Variants in SLC34A2 observed in about 807,000 individuals in gnomAD.
SLC34A2 encodes solute carrier family 34 member 2, also known as sodium-dependent phosphate transport protein 2B.
Under a neutral mutation model 50.8 loss-of-function variants are expected in SLC34A2, and 41 were observed. That is an observed-to-expected ratio of 0.81 (90% CI 0.63 to 1.05). The LOEUF is 1.05. SLC34A2 is among the 50% of genes least tolerant of loss of function. The pLI is 0.00. For synonymous variants in SLC34A2, 401 were observed against 364.2 expected (o/e 1.10, Z -1.15); for missense variants, 879 against 876.7 (o/e 1.00, Z -0.03).
chr4:25,670,446 A>T (rs1714753656), intron 7 of SLC34A2, among the ~76,000 whole-genome samples: 1 of 152,074 alleles, frequency 6.6e-6, no homozygotes, highest in Non-Finnish European at 1.5e-5. Flanking sequence ...ATAAAGTATG[A>T]TCTACCCTTT....
intron 9 of SLC34A2, among the ~76,000 whole-genome samples, 179 bp from the exon 10 acceptor site, chr4:25,672,907 TC>T (rs1462536377): frequency 6.6e-6 from 1 of 152,198 alleles, no homozygotes; most frequent in African/African-American, 2.4e-5. Flanking sequence ...TGACATAGTT[TC>T]AGTGGTGCCC....
At chr4:25,670,861 G>T in intron 8 of SLC34A2, 28 bp downstream of exon 8, 1 of 1,555,742 alleles carries the variant, frequency 6.4e-7, no homozygotes, top group South Asian at 1.1e-5. Flanking sequence ...TTCCCGGGGC[G>T]GGGAGTGAAC....
At chr4:25,661,715 A>C (rs1354342478) in intron 1 of SLC34A2, among the ~76,000 whole-genome samples, 1 of 152,024 alleles carries the variant, frequency 6.6e-6, no homozygotes, top group African/African-American at 2.4e-5. Context: ...ATACACACTA[A>C]GTTGTATAAA....
rs377251599 is a variant in SLC34A2 at position 25,669,629 on chromosome 4, G to C, written c.636-18G>C. 6 of 1,612,746 alleles carry C rather than the reference G, an allele frequency of 3.7e-6. No homozygotes were observed. Among genetic ancestry groups the C allele is most frequent in the African/African-American group, 1.3e-5 (1 of 74,954 alleles). ...TTGCTTAGTGACTAATCTGGCTGTC[G>C]GGGTTTCCCTCCCATAGAGCTTTTG... On this transcript the variant is annotated intron_variant, in intron 6 of 12. Coordinates refer to ENST00000382051, the MANE Select transcript of SLC34A2 (RefSeq NM_006424.3).
chr4:25,670,213 G>A (rs1030422372), intron 7 of SLC34A2, among the ~76,000 whole-genome samples: 2 of 152,222 alleles, frequency 1.3e-5, no homozygotes, highest in African/African-American at 4.8e-5. Context: ...GACAAAGTGA[G>A]ACTGTTTTTA....
chr4:25,678,707 A>G lies in SLC34A2; in HGVS notation c.*1958A>G. ...TTGTAATTTTTTTTTTTTTTTTTTTACTGGTTATGGGAAGGGAGAAATAAA... is the reference window on the plus strand; with the variant it reads ...TTGTAATTTTTTTTTTTTTTTTTTTGCTGGTTATGGGAAGGGAGAAATAAA... On this transcript the variant is annotated 3_prime_UTR_variant, in exon 13 of 13. Transcript: ENST00000382051. 2 of 324,916 alleles carry G rather than the reference A, an allele frequency of 6.2e-6. No homozygotes were observed. The highest frequency in any genetic ancestry group is 1.1e-5 in the Non-Finnish European group (2 of 186,398). The allele number at this position is 324,916 out of a possible 1,614,324, so 20.1% of individuals were successfully genotyped here. A position where few individuals can be genotyped will look rare whatever the true frequency, so the allele number is the denominator to read the frequency against.
chr4:25,662,778 G>A lies in SLC34A2; in HGVS notation c.186G>A (p.Glu62=), dbSNP rs1049687018. The A allele has an allele frequency of 1.9e-6, 3 of 1,613,902 alleles. No individual in the cohort carries two copies. The African/African-American group carries it at 4.0e-5, about 22-fold the overall frequency. ...PSYSTATLID[E]PTEVDDPWNL... is the part of the protein sequence containing the mutation. ...ACTCCACGGCTACACTGATAGATGA[G>A]CCCACTGAGGTGGATGACCCCTGGA... is the stretch of plus-strand genomic sequence containing the variant. The change falls in exon 3 of 13, where the codon GAG becomes GAA. Residue 62 remains glutamate, a synonymous_variant. Coordinates refer to ENST00000382051, the MANE Select transcript of SLC34A2 (RefSeq NM_006424.3).
In SLC34A2 at chr4:25,662,851, G is replaced by A; in HGVS notation, c.250+9G>A. 1 of 1,613,892 alleles carries A rather than the reference G, an allele frequency of 6.2e-7. No homozygotes were observed. Among genetic ancestry groups the A allele is most frequent in the Non-Finnish European group, 8.5e-7 (1 of 1,179,894 alleles). ...GGGGATCAAGTGGTCAGGTAAAAGT[G>A]AGGCCAGCTGAGACATTCAGGAGGG... On this transcript the variant is annotated intron_variant, in intron 3 of 12. Coordinates refer to ENST00000382051, the MANE Select transcript of SLC34A2 (RefSeq NM_006424.3).
chr4:25,671,114 C>G (rs1180879056), intron 8 of SLC34A2, among the ~76,000 whole-genome samples: 1 of 152,216 alleles, frequency 6.6e-6, no homozygotes, highest in African/African-American at 2.4e-5. Flanking sequence ...AGGCTTAGCT[C>G]TGCCTGCCGC....
chr4:25,667,859 TG>T lies in SLC34A2; in HGVS notation c.524-19del. ...CAGGCTGCCTTTCTAAGCTTGCTAA[TG>T]GTACTTTTCCATCCTCTAGTGCTCA... On this transcript the variant is annotated intron_variant, in intron 5 of 12. Coordinates refer to ENST00000382051, the MANE Select transcript of SLC34A2 (RefSeq NM_006424.3). 6.5e-7 allele frequency: 1 copy of T among 1,537,594 alleles called. No individual in the cohort carries two copies. Among genetic ancestry groups the T allele is most frequent in the African/African-American group, 1.4e-5 (1 of 73,586 alleles).
rs34027435 is a variant in SLC34A2 at position 25,662,916 on chromosome 4, C to T, written c.250+74C>T. On this transcript the variant is annotated intron_variant, in intron 3 of 12. Transcript: ENST00000382051. Reference sequence around the variant, plus strand: ...TCACGGTGTCATCATCCTCCTGTCCCTCCCCCTTTTCATTGTTCTGATTCC... The same window carrying T: ...TCACGGTGTCATCATCCTCCTGTCCTTCCCCCTTTTCATTGTTCTGATTCC... 10 of 1,547,832 alleles carry T rather than the reference C, an allele frequency of 6.5e-6. No individual in the cohort carries two copies. In the East Asian group the frequency reaches 1.4e-4, roughly 21 times the overall value.
chr4:25,669,926 T>A, intron 7 of SLC34A2, 84 bp downstream of exon 7: 1 of 1,221,570 alleles, frequency 8.2e-7, no homozygotes, highest in Non-Finnish European at 1.2e-6. Context: ...ATAGAGTGTC[T>A]ACAACACTAT....
At chr4:25,673,600 G>GC (rs1714941850) in intron 10 of SLC34A2, among the ~76,000 whole-genome samples, 1 of 151,878 alleles carries the variant, frequency 6.6e-6, no homozygotes, top group Non-Finnish European at 1.5e-5. Flanking sequence ...GTCTGCCCTC[G>GC]CCCCCACCTC....
intron 1 of SLC34A2, among the ~76,000 whole-genome samples, chr4:25,657,395 C>A (rs776306653): frequency 6.6e-6 from 1 of 152,006 alleles, no homozygotes; most frequent in African/African-American, 2.4e-5. Flanking sequence ...TCAGGACATC[C>A]CAGGGAATTT....
rs142545132 is a variant in SLC34A2, at chr4:25,676,349, T to C, written c.1673T>C (p.Val558Ala). 1.2e-5 allele frequency: 20 copies of C among 1,614,194 alleles called. No homozygotes were observed. The highest frequency in any genetic ancestry group is 1.7e-5 in the Admixed American group (1 of 60,024). The change falls in exon 13 of 13, where the codon GTC becomes GCC. Residue 558 changes from valine to alanine, a missense_variant. Transcript: ENST00000382051. ...GCCGGCTGGCGGGTGCTGGTTGGTG[T>C]CGGGGTTCCCGTCGTCTTCATCATC... ...SLAGWRVLVG[V>A]GVPVVFIIIL...
chr4:25,667,907 T>C lies in SLC34A2; in HGVS notation c.551T>C (p.Ile184Thr). 6.2e-7 allele frequency: 1 copy of C among 1,613,646 alleles called. No homozygotes were observed. Among genetic ancestry groups the C allele is most frequent in the Non-Finnish European group, 8.5e-7 (1 of 1,179,550 alleles). Residue 184 changes from isoleucine to threonine, a missense_variant, in exon 6 of 13, where the codon ATT becomes ACT. Ile to Thr is a moderately conservative substitution (Grantham distance 89). Transcript: ENST00000382051. ...SLLTVRAAIP[I>T]IMGANIGTSI... ...CTCACTGTTCGGGCTGCCATCCCCA[T>C]TATCATGGGGGCCAACATTGGAACG... is the stretch of plus-strand genomic sequence containing the variant.
At position 25,674,292 on chromosome 4, in the gene SLC34A2, C is replaced by G; in HGVS notation, c.1217-4C>G. 6.2e-7 allele frequency: 1 copy of G among 1,612,722 alleles called. No homozygotes were observed. Among genetic ancestry groups the G allele is most frequent in the Non-Finnish European group, 8.5e-7 (1 of 1,178,688 alleles). On this transcript the variant is annotated splice_region_variant and splice_polypyrimidine_tract_variant and intron_variant, in intron 10 of 12. Transcript: ENST00000382051. ...CCATGACATCTCTTCCTTCTGTCTT[C>G]CAGATTTCCCCTTTCCCTTTGCATG...
chr4:25,670,837 C>T lies in SLC34A2; in HGVS notation c.927+4C>T, dbSNP rs751883268. On this transcript the variant is annotated splice_donor_region_variant and intron_variant, in intron 8 of 12. Transcript: ENST00000382051. ...GTGCAAAACTTTTACCAACAAGGTACGTTTCCAAGAATATTCCCGGGGCGG... is the reference window on the plus strand; with the variant it reads ...GTGCAAAACTTTTACCAACAAGGTATGTTTCCAAGAATATTCCCGGGGCGG... The T allele has an allele frequency of 8.1e-6, 13 of 1,610,214 alleles. No individual in the cohort carries two copies. The East Asian group carries it at 1.3e-4, about 17-fold the overall frequency.
chr4:25,661,114 C>A (rs1484845153), intron 1 of SLC34A2, among the ~76,000 whole-genome samples: 2 of 152,202 alleles, frequency 1.3e-5, no homozygotes, highest in African/African-American at 2.4e-5. Flanking sequence ...GACAGCATGA[C>A]ATAGTAATAA....
Sources: allele counts gnomAD v4.1 joint callset (sites outside exome capture counted in the v4.1 genomes callset), GRCh38; gene constraint gnomAD v4.1.1; transcripts MANE v1.5; gene names NCBI Gene and HGNC (gene_info 2026-07-23, HGNC 2026-07-21).